Variants in URB1 observed in about 807,000 individuals in gnomAD.
URB1 encodes the protein nucleolar pre-ribosomal-associated protein 1.
In URB1, 197 loss-of-function variants were observed where a neutral mutation model predicts 242.3. The ratio of observed to expected loss-of-function variants is 0.81; its 90% CI spans 0.72 to 0.91. The LOEUF is 0.91. Among genes scored for constraint, URB1 ranks in the 40% least tolerant of loss-of-function variants. The pLI is 0.00. For synonymous variants in URB1, 1,153 were observed against 1,201.8 expected, an observed-to-expected ratio of 0.96 and a Z score of 0.84; for missense variants, 2,721 against 2,860.5, an observed-to-expected ratio of 0.95 and a Z score of 1.11.
chr21:32,329,465 T>C (rs1309665287), intron 30 of URB1, among the ~76,000 whole-genome samples: 2 of 152,118 alleles, frequency 1.3e-5, no homozygotes, highest in African/African-American at 4.8e-5. Context: ...GAATTGCAAA[T>C]GGGGCTTCCT....
rs1311097254 is a variant in URB1 at position 32,345,576 on chromosome 21, C to T, written c.3869-1G>A. On this transcript the variant is annotated splice_acceptor_variant, in intron 22 of 38. Coordinates refer to ENST00000382751, the MANE Select transcript of URB1 (RefSeq NM_014825.3). LOFTEE classifies it high-confidence loss of function. ...AAGACAGGAATGACAGCGGAAGACA[C>T]TAGGGCAGAGATACAAAGGAGAAGT... is the stretch of plus-strand genomic sequence containing the variant. 6.5e-7 allele frequency: 1 copy of T among 1,533,118 alleles called. No homozygotes were observed. Among genetic ancestry groups the T allele is most frequent in the Non-Finnish European group, 8.8e-7 (1 of 1,132,494 alleles). 95.0% of individuals were successfully genotyped at this position (1,533,118 alleles called of 1,614,324 possible).
chr21:32,380,800 T>C (rs986609564), intron 4 of URB1, among the ~76,000 whole-genome samples: 1 of 152,208 alleles, frequency 6.6e-6, no homozygotes. Context: ...TAGTGGAAAG[T>C]TCCTGTGCTT....
intron 35 of URB1, among the ~76,000 whole-genome samples, chr21:32,319,880 A>C (rs1224117571): frequency 6.6e-6 from 1 of 152,226 alleles, no homozygotes; most frequent in Non-Finnish European, 1.5e-5. Context: ...GCTTTTAAAA[A>C]AATGCACAAA....
In URB1 at chr21:32,384,450, A is replaced by G; in HGVS notation, c.297T>C (p.Phe99=). ...KRPESETMLI[F]QVFEAILLRT... is the part of the protein sequence containing the mutation. ...GCAATAATATGGCCTCGAAAACTTGAAATATTAACATCGTCTGCAAAGACA... is the reference window on the plus strand; with the variant it reads ...GCAATAATATGGCCTCGAAAACTTGGAATATTAACATCGTCTGCAAAGACA... Residue 99 remains phenylalanine, a synonymous_variant, in exon 3 of 39, where the codon TTT becomes TTC. Coordinates refer to ENST00000382751, the MANE Select transcript of URB1 (RefSeq NM_014825.3). The G allele has an allele frequency of 6.4e-7, 1 of 1,551,210 alleles. No homozygotes were observed.
In URB1 at chr21:32,372,477, C is replaced by A. The variant is rs2033416370; in HGVS notation, c.1001+30G>T. On this transcript the variant is annotated intron_variant, in intron 8 of 38. Transcript: ENST00000382751. ...GGTGACTTCTGAGGAACATACACAC[C>A]CTGGGGTCCACAAGAGTGTTATACT... 3.2e-6 allele frequency: 5 copies of A among 1,547,248 alleles called. No individual in the cohort carries two copies. In the East Asian group the frequency reaches 7.3e-5, roughly 23 times the overall value.
rs1189584765 is a variant in URB1, at chr21:32,355,444, CT to C, written c.2106+4del. The C allele has an allele frequency of 1.3e-6, 2 of 1,550,414 alleles. No individual in the cohort carries two copies. Among genetic ancestry groups the C allele is most frequent in the Admixed American group, 3.9e-5 (2 of 51,014 alleles). On this transcript the variant is annotated splice_donor_region_variant and intron_variant, in intron 16 of 38. Transcript: ENST00000382751. ...TGTTCCTTTATGTGGGAAATATGTGCTTACGCGTTCCAGAAACTGAATCACA... is the reference window on the plus strand; with the variant it reads ...TGTTCCTTTATGTGGGAAATATGTGCTACGCGTTCCAGAAACTGAATCACA...
chr21:32,388,109 C>G (rs894840621), intron 1 of URB1, among the ~76,000 whole-genome samples: 12 of 152,174 alleles, frequency 7.9e-5, no homozygotes, highest in African/African-American at 2.9e-4. Context: ...CATGAGCACG[C>G]CATTACACCA....
intron 17 of URB1, 94 bp downstream of exon 17, chr21:32,354,765 G>A: frequency 2.1e-6 from 3 of 1,447,194 alleles, no homozygotes; most frequent in Non-Finnish European, 1.8e-6. Context: ...ACTTGGCCTA[G>A]GGCATTAGTG....
At chr21:32,322,623 A>C in intron 32 of URB1, 39 bp from the exon 33 acceptor site, 1 of 1,464,312 alleles carries the variant, frequency 6.8e-7, no homozygotes, top group Non-Finnish European at 9.4e-7. Flanking sequence ...GGCAGGCCCC[A>C]GCAGGACGCC....
intron 19 of URB1, among the ~76,000 whole-genome samples, chr21:32,352,083 A>G (rs746484999): frequency 3.9e-5 from 6 of 152,206 alleles, no homozygotes; most frequent in Non-Finnish European, 8.8e-5. Flanking sequence ...ATTGCTACCA[A>G]TATCACAAGA....
At chr21:32,333,698 AGCAAAGGCG>A (rs1284222063) in intron 29 of URB1, among the ~76,000 whole-genome samples, 2 of 152,220 alleles carry the variant, frequency 1.3e-5, no homozygotes, top group African/African-American at 4.8e-5. Context: ...CCCTCAGGAA[AGCAAAGGCG>A]TCTCTATCTC....
intron 12 of URB1, among the ~76,000 whole-genome samples, 193 bp from the exon 13 acceptor site, chr21:32,361,316 G>A (rs2033285355): frequency 6.6e-6 from 1 of 151,850 alleles, no homozygotes; most frequent in Non-Finnish European, 1.5e-5. Flanking sequence ...CAGACAGACT[G>A]CTCAGTACCT....
At chr21:32,335,387 T>C (rs1455070683) in intron 28 of URB1, 2 of 152,318 alleles carry the variant, frequency 1.3e-5, no homozygotes, top group East Asian at 1.9e-4. Context: ...AGCTGGTTTA[T>C]ATCACGGGGC....
chr21:32,335,813 A>G (rs1265579096), intron 28 of URB1, among the ~76,000 whole-genome samples: 1 of 152,120 alleles, frequency 6.6e-6, no homozygotes, highest in Non-Finnish European at 1.5e-5. Context: ...CGAGATGTTT[A>G]TTTTGTTTGC....
Position 32,368,453 on chromosome 21 carries a change from T to A in URB1, c.1147A>T (p.Ile383Phe). ...AACCAAGTAGACTTCGCTCGTGGGA[T>A]AAAGGAAAACGTTACTTCCTTGAAG... ...KYFKEVTFSF[I>F]PRAKSTWLNN... Residue 383 changes from isoleucine (I) to phenylalanine (F), a missense_variant, in exon 9 of 39, where the codon ATC becomes TTC. Ile to Phe is a conservative substitution (Grantham distance 21). Coordinates refer to ENST00000382751, the MANE Select transcript of URB1 (RefSeq NM_014825.3). 3.2e-6 allele frequency: 5 copies of A among 1,551,286 alleles called. No homozygotes were observed. Among genetic ancestry groups the A allele is most frequent in the Non-Finnish European group, 4.4e-6 (5 of 1,146,834 alleles).
At position 32,313,319 on chromosome 21, in the gene URB1, A is replaced by G. The variant is rs140699711; in HGVS notation, c.*1599T>C. 1 of 152,256 alleles carries G rather than the reference A, an allele frequency of 6.6e-6. No homozygotes were observed. The highest frequency in any genetic ancestry group is 2.1e-4 in the South Asian group (1 of 4,836). The allele number at this position is 152,256 out of a possible 1,614,324, so 9.4% of individuals were successfully genotyped here. On this transcript the variant is annotated 3_prime_UTR_variant, in exon 39 of 39. Coordinates refer to ENST00000382751, the MANE Select transcript of URB1 (RefSeq NM_014825.3). ...TGCATAAACAAGCAGAGGTGCCTAT[A>G]ACCAAAGGAATCCCCAAAGATAGGC...
chr21:32,369,154 T>C (rs549979613), intron 8 of URB1, among the ~76,000 whole-genome samples: 13 of 152,236 alleles, frequency 8.5e-5, no homozygotes, highest in African/African-American at 2.9e-4. Flanking sequence ...ACCTTGGCCT[T>C]GAACTATGTT....
intron 25 of URB1, among the ~76,000 whole-genome samples, chr21:32,340,524 A>G (rs2033018078): frequency 6.6e-6 from 1 of 152,194 alleles, no homozygotes; most frequent in African/African-American, 2.4e-5. Flanking sequence ...GAGGCAGGAG[A>G]ATCACTTGAA....
intron 26 of URB1, among the ~76,000 whole-genome samples, chr21:32,338,256 AC>A (rs2032985522): frequency 6.6e-6 from 1 of 152,184 alleles, no homozygotes; most frequent in Non-Finnish European, 1.5e-5. Context: ...TGGAGCCTAA[AC>A]TTAGGCTTTT....
Sources: gnomAD v4.1 joint callset for allele counts (sites outside exome capture counted in the v4.1 genomes callset) on GRCh38, gnomAD v4.1.1 for gene constraint, MANE v1.5 for transcripts, NCBI Gene and HGNC (gene_info 2026-07-23, HGNC 2026-07-21) for gene names.